Variants in INO80D observed in about 807,000 individuals in gnomAD.
INO80D encodes INO80 complex subunit D.
INO80D carries 21 observed loss-of-function variants against 87.6 expected under a neutral mutation model. That is an observed-to-expected ratio of 0.24 (90% confidence interval 0.17 to 0.35). INO80D has a LOEUF of 0.35. Ranked by LOEUF, INO80D falls within the 10% of genes least tolerant of loss-of-function variation. The pLI is 1.00. For missense variants in INO80D, 982 were observed against 1,280.7 expected (o/e 0.77, Z 3.56); for synonymous variants, 440 against 491.0 (o/e 0.90, Z 1.37).
chr2:206,014,663 G>T (rs952295032), intron 8 of INO80D, among the ~76,000 whole-genome samples: 2 of 151,940 alleles, frequency 1.3e-5, no homozygotes, highest in African/African-American at 4.8e-5. Flanking sequence ...CCAGTCTCAG[G>T]TATGTCTTTA....
intron 5 of INO80D, among the ~76,000 whole-genome samples, chr2:206,029,832 C>T (rs945656684): frequency 7.2e-5 from 11 of 152,166 alleles, no homozygotes; most frequent in African/African-American, 2.7e-4. Flanking sequence ...ACAAGATAAA[C>T]ACTTCCCAAA....
chr2:206,039,289 C>T (rs1458319037), intron 5 of INO80D, among the ~76,000 whole-genome samples: 3 of 151,746 alleles, frequency 2.0e-5, no homozygotes, highest in Non-Finnish European at 2.9e-5. Flanking sequence ...CCCACCTACT[C>T]GGGAGGCTGA....
intron 4 of INO80D, among the ~76,000 whole-genome samples, chr2:206,049,149 T>C (rs1689276858): frequency 6.6e-6 from 1 of 152,226 alleles, no homozygotes; most frequent in Non-Finnish European, 1.5e-5. Flanking sequence ...ATAGTTTAAA[T>C]GAGTTTACAT....
intron 5 of INO80D, among the ~76,000 whole-genome samples, chr2:206,041,231 T>C (rs1689041043): frequency 6.6e-6 from 1 of 152,024 alleles, no homozygotes; most frequent in Non-Finnish European, 1.5e-5. Flanking sequence ...TCATATTAAA[T>C]TTAAGTTGTC....
At chr2:206,014,666 T>C (rs796442865) in intron 8 of INO80D, among the ~76,000 whole-genome samples, 8 of 152,220 alleles carry the variant, frequency 5.3e-5, no homozygotes, top group African/African-American at 1.9e-4. Context: ...GTCTCAGGTA[T>C]GTCTTTATCA....
intron 1 of INO80D, among the ~76,000 whole-genome samples, chr2:206,081,612 G>T (rs56349400): frequency 0.19 from 28,252 of 151,770 alleles, 3,263 homozygotes; most frequent in Non-Finnish European, 0.27. Context: ...AATTAGCCAG[G>T]CATGGTGGCA....
chr2:206,073,306 T>C (rs1030960443), intron 1 of INO80D, among the ~76,000 whole-genome samples: 6 of 152,224 alleles, frequency 3.9e-5, no homozygotes, highest in African/African-American at 1.4e-4. Context: ...TACATATTTT[T>C]CACTCTTTAC....
At chr2:206,066,973 C>T (rs553735782) in intron 1 of INO80D, among the ~76,000 whole-genome samples, 7 of 152,078 alleles carry the variant, frequency 4.6e-5, no homozygotes, top group East Asian at 3.9e-4. Context: ...GTAGGCTGGG[C>T]GCAGTGGTTC....
chr2:206,015,880 C>G (rs183273424), intron 8 of INO80D, among the ~76,000 whole-genome samples: 307 of 151,832 alleles, frequency 2.0e-3, no homozygotes, highest in Non-Finnish European at 3.3e-3. Flanking sequence ...GAGTGAGACT[C>G]TGTCTCCAAA....
chr2:206,016,071 A>T lies in INO80D; in HGVS notation c.1542+1609T>A, dbSNP rs535812988. 3.6e-4 allele frequency among the ~76,000 whole-genome samples: 55 copies of T among 152,166 alleles called. 1 individual carries two copies. In the South Asian group the frequency reaches 3.7e-3, roughly 10 times the overall value. On this transcript the variant is annotated intron_variant, in intron 8 of 10. Coordinates refer to ENST00000403263, the MANE Select transcript of INO80D (RefSeq NM_017759.5). ...TGAGAAGAGGGCCACCATCCTCCAG[A>T]CCCCAGAATGGTAGATCTACTGACA...
chr2:206,069,918 C>A (rs1689914079), intron 1 of INO80D, among the ~76,000 whole-genome samples: 1 of 152,122 alleles, frequency 6.6e-6, no homozygotes, highest in Admixed American at 6.6e-5. Context: ...ACAGTCTCCT[C>A]TCCTTTCTTT....
chr2:206,043,264 C>T (rs1479758287), intron 5 of INO80D, among the ~76,000 whole-genome samples: 2 of 152,044 alleles, frequency 1.3e-5, no homozygotes, highest in African/African-American at 2.4e-5. Flanking sequence ...CTCTGCCTCC[C>T]GCGTTCAAGC....
chr2:206,067,476 T>C (rs1218131541), intron 1 of INO80D, among the ~76,000 whole-genome samples: 2 of 152,084 alleles, frequency 1.3e-5, no homozygotes, highest in Non-Finnish European at 2.9e-5. Flanking sequence ...ATGTTTCCAA[T>C]ACACAAAAAA....
intron 4 of INO80D, among the ~76,000 whole-genome samples, chr2:206,052,805 A>T (rs77361603): frequency 1.3e-5 from 2 of 151,790 alleles, no homozygotes; most frequent in Admixed American, 6.6e-5. Context: ...AAAAAAAAAA[A>T]TTATATTTTA....
chr2:206,011,291 G>T (rs183200645), intron 8 of INO80D, among the ~76,000 whole-genome samples: 4 of 152,140 alleles, frequency 2.6e-5, no homozygotes, highest in African/African-American at 9.7e-5. Context: ...TCACCCAAGA[G>T]AAAATAAGTC....
rs1282648133 is a variant in INO80D, at chr2:205,996,562, A to G, written c.*7806T>C. ...CTTTCCATAGACATTAATCTTGCTT[A>G]ACAAAGGCTGTTTACCTATTATACA... On this transcript the variant is annotated 3_prime_UTR_variant, in exon 11 of 11. Coordinates refer to ENST00000403263, the MANE Select transcript of INO80D (RefSeq NM_017759.5). The G allele has an allele frequency of 6.6e-6, 1 of 152,110 alleles. No homozygotes were observed. The highest frequency in any genetic ancestry group is 1.5e-5 in the Non-Finnish European group (1 of 67,958). The allele number at this position is 152,110 out of a possible 1,614,324, so 9.4% of individuals were successfully genotyped here.
At chr2:206,046,653 CT>C in intron 4 of INO80D, 41 bp from the exon 5 acceptor site, 2 of 1,322,212 alleles carry the variant, frequency 1.5e-6, no homozygotes, top group Non-Finnish European at 2.2e-6. Flanking sequence ...AAAAAGTTTA[CT>C]TTTATTCAAA....
At chr2:206,015,359 G>C (rs1034531397) in intron 8 of INO80D, among the ~76,000 whole-genome samples, 4 of 152,100 alleles carry the variant, frequency 2.6e-5, no homozygotes, top group African/African-American at 9.7e-5. Flanking sequence ...AGGAAAAGAT[G>C]GTTTCATGGG....
chr2:206,004,523 C>T lies in INO80D; in HGVS notation c.2929G>A (p.Ala977Thr), dbSNP rs757977985. The T allele has an allele frequency of 1.1e-5, 18 of 1,610,366 alleles. No homozygotes were observed. Among genetic ancestry groups the T allele is most frequent in the Non-Finnish European group, 1.4e-5 (16 of 1,178,424 alleles). ...GAACTCAGCTGGTGGCCAAAGGCTG[C>T]GCTGAACTGAGGGAGTTGCTGCTTG... Reference protein sequence around the residue: ...SPKQQLPQFSAAFGHQLSSHS... With the variant: ...SPKQQLPQFSTAFGHQLSSHS... The change falls in exon 11 of 11, where the codon GCA becomes ACA. Residue 977 changes from alanine to threonine, a missense_variant. By Grantham distance (58) the Ala-to-Thr change is moderately conservative. Transcript: ENST00000403263. The surrounding 1 kb of genome is among the most constrained non-coding windows in gnomAD (Gnocchi z 4.9).
Sources: gnomAD v4.1 joint callset for allele counts (sites outside exome capture counted in the v4.1 genomes callset) on GRCh38, gnomAD v4.1.1 for gene constraint, Gnocchi (gnomAD v3.1) non-coding constraint, MANE v1.5 for transcripts, NCBI Gene and HGNC (gene_info 2026-07-23, HGNC 2026-07-21) for gene names.